Variants in WDTC1 observed in about 807,000 individuals in gnomAD.
The protein encoded by WDTC1 is WD and tetratricopeptide repeats 1.
In WDTC1, 12 loss-of-function variants were observed where a neutral mutation model predicts 76.0. The ratio of observed to expected loss-of-function variants is 0.16; its 90% CI spans 0.10 to 0.26. The LOEUF (loss-of-function observed/expected upper bound fraction) is 0.26. WDTC1 is among the 10% of genes least tolerant of loss of function. The probability of loss-of-function intolerance (pLI) is 1.00; values close to 1 mark genes in which losing one functional copy is unlikely to be tolerated. For missense variants in WDTC1, 511 were observed against 908.8 expected (o/e 0.56, Z 5.63); for synonymous variants, 326 against 350.8 (o/e 0.93, Z 0.79).
At chr1:27,289,910 A>G (rs1467217152) in intron 6 of WDTC1, among the ~76,000 whole-genome samples, 12 of 151,456 alleles carry the variant, frequency 7.9e-5, no homozygotes, top group Non-Finnish European at 1.5e-4. Flanking sequence ...AGGCAGGGAG[A>G]TTGCAGTGAG....
intron 1 of WDTC1, among the ~76,000 whole-genome samples, chr1:27,245,887 G>A (rs779275707): frequency 1.3e-5 from 2 of 151,652 alleles, no homozygotes; most frequent in Non-Finnish European, 1.5e-5. Flanking sequence ...GCTATGGGAG[G>A]TAGCATGTCC....
chr1:27,282,369 A>C, intron 4 of WDTC1, 84 bp downstream of exon 4: 1 of 1,413,072 alleles, frequency 7.1e-7, no homozygotes, highest in Non-Finnish European at 9.9e-7. Flanking sequence ...GAGAGGATCC[A>C]AGGAAAAGAT....
intron 1 of WDTC1, among the ~76,000 whole-genome samples, chr1:27,241,901 T>C (rs1305106193): frequency 7.0e-6 from 1 of 142,196 alleles, no homozygotes; most frequent in Non-Finnish European, 1.5e-5. Flanking sequence ...TTTTTTTTTG[T>C]TTTTTTTTTT....
intron 1 of WDTC1, among the ~76,000 whole-genome samples, chr1:27,255,036 C>T (rs2012228634): frequency 6.6e-6 from 1 of 151,558 alleles, no homozygotes. Context: ...TTTCTCTTTT[C>T]CCCCCATTTT....
rs768202537 is a variant in WDTC1, at chr1:27,306,194, C to T, written c.1845C>T (p.Asp615=). 1.2e-6 allele frequency: 2 copies of T among 1,614,106 alleles called. No homozygotes were observed. The highest frequency in any genetic ancestry group is 1.1e-5 in the South Asian group (1 of 91,080). ...CCCTTTCTCCACCACAGAGTGAAGA[C>T]CTCACAGGCCGAGTCGTGGAAGATA... ...RLWNPRPESE[D]LTGRVVEDME... The change falls in exon 16 of 16, where the codon GAC becomes GAT. Residue 615 remains aspartate, a synonymous_variant. Transcript: ENST00000319394. This position sits in a 1 kb window ranked among gnomAD's most constrained non-coding sequence, Gnocchi z 5.0.
chr1:27,265,671 C>T (rs988896044), intron 3 of WDTC1, among the ~76,000 whole-genome samples: 9 of 151,974 alleles, frequency 5.9e-5, no homozygotes, highest in South Asian at 2.1e-4. Flanking sequence ...AATTGCTGGG[C>T]GCAGTGGCTC....
intron 3 of WDTC1, among the ~76,000 whole-genome samples, chr1:27,264,592 T>C (rs1291095587): frequency 6.6e-6 from 1 of 152,132 alleles, no homozygotes; most frequent in Non-Finnish European, 1.5e-5. Flanking sequence ...TTGGTTCCAT[T>C]CTCTTTTCTT....
chr1:27,299,899 A>G (rs2013788486), intron 12 of WDTC1, among the ~76,000 whole-genome samples: 1 of 152,168 alleles, frequency 6.6e-6, no homozygotes, highest in Non-Finnish European at 1.5e-5. Flanking sequence ...CAGTCTCCCC[A>G]GGGCTGCCAT....
chr1:27,260,970 AT>A lies in WDTC1; in HGVS notation c.-81del. ...TTTTCCCCCAGGTAATTAAATGTGT[AT>A]TTTGTGGACCTGGGCTTGGCTGGAA... On this transcript the variant is annotated 5_prime_UTR_variant, in exon 2 of 16. It introduces an in-frame stop codon into an upstream open reading frame of the 5' UTR. Coordinates refer to ENST00000319394, the MANE Select transcript of WDTC1 (RefSeq NM_001276252.2). 1.4e-6 allele frequency: 2 copies of A among 1,465,998 alleles called. No homozygotes were observed. The highest frequency in any genetic ancestry group is 1.4e-5 in the African/African-American group (1 of 70,900). 90.8% of individuals were successfully genotyped at this position (1,465,998 alleles called of 1,614,324 possible).
chr1:27,247,711 T>TC (rs967516997), intron 1 of WDTC1, among the ~76,000 whole-genome samples: 7 of 146,320 alleles, frequency 4.8e-5, no homozygotes, highest in Non-Finnish European at 1.1e-4. Context: ...ACATTTTCTT[T>TC]CTTTTTTTTT....
chr1:27,293,974 CA>C (rs2013612123), intron 7 of WDTC1, 47 bp from the exon 8 acceptor site: 2 of 1,576,292 alleles, frequency 1.3e-6, no homozygotes, highest in Non-Finnish European at 1.7e-6. Flanking sequence ...CTGGTCTAGC[CA>C]GGGGCAGTGC....
Position 27,298,014 on chromosome 1 carries a change from A to AC in WDTC1, c.1138dup (p.Gln380ProfsTer35). On this transcript the variant is annotated frameshift_variant, in exon 12 of 16. Transcript: ENST00000319394. LOFTEE classifies it high-confidence loss of function. ...TGAGGCTTTTGCCTGCCAGCAGTGG[A>AC]CCCAAGCCATTCAGCTTTACAGCAA... 6.2e-7 allele frequency: 1 copy of AC among 1,614,128 alleles called. No individual in the cohort carries two copies. Among genetic ancestry groups the AC allele is most frequent in the Non-Finnish European group, 8.5e-7 (1 of 1,179,982 alleles).
intron 4 of WDTC1, 113 bp downstream of exon 4, chr1:27,282,398 G>A: frequency 1.0e-6 from 1 of 992,560 alleles, no homozygotes; most frequent in African/African-American, 1.6e-5. Context: ...AATGAAAAGA[G>A]ACTGCTGCTG....
In WDTC1 at chr1:27,306,618, A is replaced by T; in HGVS notation, c.*235A>T. The T allele has an allele frequency of 5.4e-6, 3 of 554,762 alleles. No individual in the cohort carries two copies. The highest frequency in any genetic ancestry group is 4.9e-4 in the Middle Eastern group (1 of 2,060). The allele number at this position is 554,762 out of a possible 1,614,324, so 34.4% of individuals were successfully genotyped here. ...CCTGAAAAAAAGAGCAGGAGGGGAC[A>T]CCCCTCCATATGCCCCCCCCCATCT... On this transcript the variant is annotated 3_prime_UTR_variant, in exon 16 of 16. Transcript: ENST00000319394. This position sits in a 1 kb window ranked among gnomAD's most constrained non-coding sequence, Gnocchi z 5.0.
intron 3 of WDTC1, among the ~76,000 whole-genome samples, chr1:27,273,462 C>T (rs1298018805): frequency 6.6e-6 from 1 of 152,074 alleles, no homozygotes; most frequent in Non-Finnish European, 1.5e-5. Context: ...CCTGCCTCAG[C>T]CTCCCAAAGT....
chr1:27,249,026 G>A lies in WDTC1; in HGVS notation c.-99-11930G>A, dbSNP rs1054994816. 1.4e-4 allele frequency among the ~76,000 whole-genome samples: 21 copies of A among 152,264 alleles called. No homozygotes were observed. The East Asian group carries it at 3.9e-3, about 28-fold the overall frequency. ...CTCACACCTGTAATTCCAGCACTTT[G>A]GGAGGCTGAGGCAGACAGATCACTT... On this transcript the variant is annotated intron_variant, in intron 1 of 15. Coordinates refer to ENST00000319394, the MANE Select transcript of WDTC1 (RefSeq NM_001276252.2).
intron 12 of WDTC1, among the ~76,000 whole-genome samples, chr1:27,299,700 C>A (rs1196437698): frequency 6.6e-6 from 1 of 152,046 alleles, no homozygotes; most frequent in Non-Finnish European, 1.5e-5. Context: ...ACGTTGGCCT[C>A]GATTCAGTGC....
intron 3 of WDTC1, among the ~76,000 whole-genome samples, chr1:27,269,570 A>G (rs1314945569): frequency 6.7e-6 from 1 of 149,944 alleles, no homozygotes; most frequent in Admixed American, 6.7e-5. Flanking sequence ...GGTTTTGACC[A>G]TAAGAGCAAC....
intron 6 of WDTC1, among the ~76,000 whole-genome samples, chr1:27,291,573 G>A (rs542842151): frequency 2.0e-5 from 3 of 152,188 alleles, no homozygotes; most frequent in Non-Finnish European, 4.4e-5. Context: ...CCCGTCTGGA[G>A]CGGTGGGAGT....
Sources: allele counts gnomAD v4.1 joint callset (sites outside exome capture counted in the v4.1 genomes callset), GRCh38; gene constraint gnomAD v4.1.1; non-coding constraint Gnocchi (gnomAD v3.1); transcripts MANE v1.5; gene names NCBI Gene and HGNC (gene_info 2026-07-23, HGNC 2026-07-21).